The following BBOX1 variants were observed in gnomAD, a reference collection of about 807,000 sequenced individuals.
BBOX1 encodes gamma-butyrobetaine dioxygenase.
A neutral mutation model predicts 41.6 loss-of-function variants in BBOX1; 35 were observed. The ratio of observed to expected loss-of-function variants is 0.84; its 90% CI spans 0.64 to 1.11. The LOEUF (loss-of-function observed/expected upper bound fraction) is 1.11. Ranked by LOEUF, BBOX1 falls within the 50% of genes most tolerant of loss-of-function variation. BBOX1 has a pLI of 0.00. For missense variants in BBOX1, 458 were observed against 460.6 expected (o/e 0.99, Z 0.05); for synonymous variants, 163 against 154.7 (o/e 1.05, Z -0.40).
At chr11:27,082,954 G>T (rs1020269) in intron 4 of BBOX1, among the ~76,000 whole-genome samples, 91,988 of 151,798 alleles carry the variant, frequency 0.61, 30,194 homozygotes, top group East Asian at 0.94. Context: ...GGTCATTCTG[G>T]TCATAGGACT....
intron 4 of BBOX1, among the ~76,000 whole-genome samples, chr11:27,061,828 C>T (rs1857141769): frequency 6.6e-6 from 1 of 152,186 alleles, no homozygotes; most frequent in Non-Finnish European, 1.5e-5. Flanking sequence ...ATCACTCCCT[C>T]ATAAATTTCT....
At chr11:27,066,681 A>G (rs1378792283) in intron 4 of BBOX1, 1 of 151,814 alleles carries the variant, frequency 6.6e-6, no homozygotes, top group Non-Finnish European at 1.5e-5. Context: ...GAAAAAAAAA[A>G]AAAAAAAGAA....
At chr11:27,048,936 C>T (rs1342313969) in intron 2 of BBOX1, among the ~76,000 whole-genome samples, 1 of 134,618 alleles carries the variant, frequency 7.4e-6, no homozygotes, top group Non-Finnish European at 1.6e-5. Flanking sequence ...TGTGATGTTC[C>T]CCTTCCTGTG....
At chr11:27,107,174 A>G (rs972216227) in intron 5 of BBOX1, among the ~76,000 whole-genome samples, 4 of 152,196 alleles carry the variant, frequency 2.6e-5, no homozygotes, top group African/African-American at 9.6e-5. Flanking sequence ...TCACAATTAA[A>G]AGAACTAGAG....
chr11:27,050,405 G>C (rs140658642), intron 2 of BBOX1, among the ~76,000 whole-genome samples: 1,690 of 152,142 alleles, frequency 0.011, 19 homozygotes, highest in South Asian at 0.02. Flanking sequence ...TTGGAGTTTT[G>C]ATAGTAATTG....
intron 4 of BBOX1, among the ~76,000 whole-genome samples, chr11:27,090,017 A>G (rs1335699998): frequency 6.6e-6 from 1 of 152,034 alleles, no homozygotes; most frequent in Non-Finnish European, 1.5e-5. Flanking sequence ...ACATAATCCA[A>G]TATTCAAAAC....
At chr11:27,055,754 C>A in intron 3 of BBOX1, 105 bp downstream of exon 3, 1 of 1,014,712 alleles carries the variant, frequency 9.9e-7, no homozygotes, top group Non-Finnish European at 1.4e-6. Flanking sequence ...CATATATAAC[C>A]GCATATGAAC....
intron 3 of BBOX1, among the ~76,000 whole-genome samples, chr11:27,056,476 T>C (rs1013607139): frequency 6.6e-6 from 1 of 152,038 alleles, no homozygotes; most frequent in Non-Finnish European, 1.5e-5. Flanking sequence ...CAGGCTGGTC[T>C]CAAACTCCTG....
rs202107611 is a variant in BBOX1 at position 27,115,517 on chromosome 11, G to A, written c.599G>A (p.Ser200Asn). Residue 200 changes from serine to asparagine, a missense_variant, in exon 6 of 9, where the codon AGC (serine) becomes AAC (asparagine). Physicochemically the swap from Ser to Asn is conservative, Grantham distance 46. Transcript: ENST00000263182. ...GTGGCTTACACAACTGGGAAGCTAA[G>A]CTTTCACACTGATTATCCAGCCCTC... ...NNVAYTTGKLSFHTDYPALHH... is the reference protein window; with the variant it reads ...NNVAYTTGKLNFHTDYPALHH... 9.3e-6 allele frequency: 15 copies of A among 1,611,210 alleles called. No individual in the cohort carries two copies. The East Asian group carries it at 2.2e-4, about 24-fold the overall frequency.
Position 27,092,667 on chromosome 11 carries a change from T to A in BBOX1, c.335-501T>A, listed in dbSNP as rs78388383. Among the ~76,000 whole-genome samples the A allele has an allele frequency of 9.2e-5, 14 of 152,058 alleles. No homozygotes were observed. The East Asian group carries it at 2.7e-3, about 29-fold the overall frequency. On this transcript the variant is annotated intron_variant, in intron 4 of 8. Coordinates refer to ENST00000263182, the MANE Select transcript of BBOX1 (RefSeq NM_003986.3). ...ATCACTTGATCCCAGAGGTTGCTTC[T>A]TAACAGGTGAAATAAGAGGAAAGAA...
At chr11:27,041,742 T>C (rs939586539) in intron 2 of BBOX1, among the ~76,000 whole-genome samples, 2 of 152,156 alleles carry the variant, frequency 1.3e-5, no homozygotes, top group Non-Finnish European at 2.9e-5. Flanking sequence ...TTCCCAATTA[T>C]GTTTGGCTTA....
chr11:27,057,063 T>TAAA lies in BBOX1; in HGVS notation c.220-138_220-137insAAA, dbSNP rs1459422645. ...CCTGGCAACAGAGGAAGACTCCGAC[T>TAAA]TAAAAAAAAAAAAAAAAAAAAATTA... On this transcript the variant is annotated intron_variant, in intron 3 of 8. Transcript: ENST00000263182. 7.4e-4 allele frequency: 111 copies of TAAA among 149,824 alleles called. 15 individuals are homozygous for TAAA. Among genetic ancestry groups the TAAA allele is most frequent in the East Asian group, 1.6e-3 (10 of 6,354 alleles). 9.3% of individuals were successfully genotyped at this position (149,824 alleles called of 1,614,324 possible).
At chr11:27,097,763 G>C (rs1858494002) in intron 5 of BBOX1, among the ~76,000 whole-genome samples, 1 of 152,034 alleles carries the variant, frequency 6.6e-6, no homozygotes, top group Admixed American at 6.6e-5. Context: ...ATGATGCAAA[G>C]CATGGTCAAG....
chr11:27,079,570 T>G (rs1857760603), intron 4 of BBOX1, among the ~76,000 whole-genome samples: 1 of 152,096 alleles, frequency 6.6e-6, no homozygotes, highest in Non-Finnish European at 1.5e-5. Flanking sequence ...TATGCCCATG[T>G]AATGAGGAAT....
intron 5 of BBOX1, among the ~76,000 whole-genome samples, chr11:27,096,718 A>T (rs1425811938): frequency 6.6e-6 from 1 of 152,050 alleles, no homozygotes; most frequent in East Asian, 1.9e-4. Flanking sequence ...GAACAAAAAA[A>T]CAGTAGATTC....
At chr11:27,079,669 G>A (rs1450287790) in intron 4 of BBOX1, among the ~76,000 whole-genome samples, 1 of 152,086 alleles carries the variant, frequency 6.6e-6, no homozygotes, top group Non-Finnish European at 1.5e-5. Flanking sequence ...GATGGGCAAT[G>A]ATAGAGGGGA....
rs1858848688 is a variant in BBOX1 at position 27,105,895 on chromosome 11, G to A, written c.534-9557G>A. 3.3e-5 allele frequency among the ~76,000 whole-genome samples: 5 copies of A among 152,088 alleles called. No homozygotes were observed. In the South Asian group the frequency reaches 8.3e-4, roughly 25 times the overall value. ...CCATCAGACTAAGAGTGGGTCTCTC[G>A]GCAGAAACTCTACAAGCCAGAAGAG... is the stretch of plus-strand genomic sequence containing the variant. On this transcript the variant is annotated intron_variant, in intron 5 of 8. Transcript: ENST00000263182.
intron 6 of BBOX1, among the ~76,000 whole-genome samples, chr11:27,116,178 G>C (rs1363999073): frequency 6.6e-6 from 1 of 151,952 alleles, no homozygotes; most frequent in African/African-American, 2.4e-5. Flanking sequence ...GCAGGGACAT[G>C]GATGAAGATG....
At chr11:27,041,151 C>T (rs1851335447) in intron 1 of BBOX1, 65 bp from the exon 2 acceptor site, 1 of 150,782 alleles carries the variant, frequency 6.6e-6, no homozygotes, top group South Asian at 2.1e-4. Context: ...TTGCTAACTG[C>T]TTCCCCTCTA....
Sources: allele counts gnomAD v4.1 joint callset (sites outside exome capture counted in the v4.1 genomes callset), GRCh38; gene constraint gnomAD v4.1.1; transcripts MANE v1.5; gene names NCBI Gene and HGNC (gene_info 2026-07-23, HGNC 2026-07-21).